TMEM255B: variants seen among roughly 807,000 people sequenced by gnomAD.
TMEM255B encodes transmembrane protein 255B, also known as family with sequence similarity 70, member B.
A neutral mutation model predicts 34.5 loss-of-function variants in TMEM255B; 35 were observed. That is an observed-to-expected ratio of 1.01 (90% confidence interval 0.77 to 1.34). The LOEUF is 1.34. Among genes scored for constraint, TMEM255B ranks in the 40% most tolerant of loss-of-function variants. TMEM255B has a pLI of 0.00. For synonymous variants in TMEM255B, 206 were observed against 201.2 expected, an observed-to-expected ratio of 1.02 and a Z score of -0.20; for missense variants, 432 against 433.2, an observed-to-expected ratio of 1.00 and a Z score of 0.02.
intron 3 of TMEM255B, among the ~76,000 whole-genome samples, chr13:113,778,581 G>C (rs2050617558): frequency 6.6e-6 from 1 of 151,204 alleles, no homozygotes; most frequent in African/African-American, 2.4e-5. Flanking sequence ...ATCACCTGTG[G>C]TACTGTGGCG....
At chr13:113,801,238 C>G (rs920706647) in intron 6 of TMEM255B, among the ~76,000 whole-genome samples, 53 of 152,346 alleles carry the variant, frequency 3.5e-4, no homozygotes, top group African/African-American at 1.3e-3. Flanking sequence ...GAGGACACAG[C>G]CCGTGTGTGT....
At chr13:113,795,790 C>T (rs1373278094) in intron 4 of TMEM255B, among the ~76,000 whole-genome samples, 7 of 141,680 alleles carry the variant, frequency 4.9e-5, no homozygotes, top group Non-Finnish European at 7.6e-5. Flanking sequence ...CAACAGAGCA[C>T]ACAGCACACA....
intron 2 of TMEM255B, chr13:113,766,579 G>A (rs867592490): frequency 6.8e-5 from 28 of 413,758 alleles, no homozygotes; most frequent in Middle Eastern, 5.9e-4. Flanking sequence ...CCAGAGCCCG[G>A]CAACAGGAAA....
At chr13:113,811,160 G>A (rs1361117046) in intron 8 of TMEM255B, among the ~76,000 whole-genome samples, 1 of 141,778 alleles carries the variant, frequency 7.1e-6, no homozygotes, top group Non-Finnish European at 1.6e-5. Context: ...GGGGGCCCGT[G>A]AGAGTGGTCC....
At chr13:113,796,933 C>T (rs756828994) in intron 4 of TMEM255B, among the ~76,000 whole-genome samples, 3 of 152,044 alleles carry the variant, frequency 2.0e-5, no homozygotes, top group Non-Finnish European at 2.9e-5. Context: ...GCACACACCA[C>T]GGCCCACATG....
intron 3 of TMEM255B, among the ~76,000 whole-genome samples, chr13:113,782,539 C>T (rs1402150368): frequency 6.6e-6 from 1 of 152,236 alleles, no homozygotes; most frequent in Non-Finnish European, 1.5e-5. Context: ...CTCCATCTTG[C>T]TTCTGGCCTA....
At chr13:113,800,601 T>C (rs1407060399) in intron 5 of TMEM255B, among the ~76,000 whole-genome samples, 1 of 152,080 alleles carries the variant, frequency 6.6e-6, no homozygotes, top group Non-Finnish European at 1.5e-5. Flanking sequence ...GCCCCGATTA[T>C]CCGGCCTCTG....
intron 5 of TMEM255B, 71 bp downstream of exon 5, chr13:113,799,490 G>A: frequency 7.1e-7 from 1 of 1,408,302 alleles, no homozygotes; most frequent in Non-Finnish European, 1.0e-6. Context: ...GGTTTTCCCT[G>A]CACATAGGCG....
chr13:113,775,011 A>C (rs1428086839), intron 3 of TMEM255B, among the ~76,000 whole-genome samples: 1 of 140,976 alleles, frequency 7.1e-6, no homozygotes, highest in Admixed American at 7.0e-5. Flanking sequence ...ACTCCACACA[A>C]TACACAACAC....
intron 3 of TMEM255B, among the ~76,000 whole-genome samples, chr13:113,792,033 C>T (rs1305254983): frequency 2.0e-5 from 3 of 152,216 alleles, no homozygotes; most frequent in Non-Finnish European, 4.4e-5. Flanking sequence ...GAGCTGGGGA[C>T]GCGGCCCCGC....
At chr13:113,792,620 G>GCT (rs2050850312) in intron 3 of TMEM255B, among the ~76,000 whole-genome samples, 1 of 152,258 alleles carries the variant, frequency 6.6e-6, no homozygotes, top group African/African-American at 2.4e-5. Context: ...CTGTTCAAGA[G>GCT]GGAACCTCCC....
chr13:113,805,748 A>G (rs2051159296), intron 8 of TMEM255B, among the ~76,000 whole-genome samples: 1 of 152,172 alleles, frequency 6.6e-6, no homozygotes. Context: ...GTGACAACCC[A>G]AACTCTCCGG....
intron 2 of TMEM255B, chr13:113,768,129 G>A (rs769599187): frequency 1.1e-4 from 48 of 455,322 alleles, no homozygotes; most frequent in South Asian, 6.4e-4. Flanking sequence ...AGGCTGTGCC[G>A]GGCGGGCCAC....
At position 113,775,880 on chromosome 13, in the gene TMEM255B, C is replaced by A. The variant is rs186641401; in HGVS notation, c.252+6720C>A. 2.4e-3 allele frequency among the ~76,000 whole-genome samples: 372 copies of A among 152,338 alleles called. 3 individuals carry two copies. The highest frequency in any genetic ancestry group is 8.5e-3 in the African/African-American group (353 of 41,590). ...CAGGCCGGTGGCCCCACATCCCCGCCCAGGGACCATGGGACCCCTGCGGCC... is the reference window on the plus strand; with the variant it reads ...CAGGCCGGTGGCCCCACATCCCCGCACAGGGACCATGGGACCCCTGCGGCC... On this transcript the variant is annotated intron_variant, in intron 3 of 8. Transcript: ENST00000375353.
At chr13:113,795,361 G>C (rs1376531953) in intron 4 of TMEM255B, 124 bp downstream of exon 4, 2 of 993,516 alleles carry the variant, frequency 2.0e-6, no homozygotes, top group Non-Finnish European at 3.0e-6. Flanking sequence ...CCACGCTGGG[G>C]GTTGCCAGTG....
chr13:113,799,817 G>C (rs771626655), intron 5 of TMEM255B: 4 of 636,946 alleles, frequency 6.3e-6, no homozygotes, highest in South Asian at 6.0e-5. Context: ...TCTCTTTCCA[G>C]GTGAGTGAGA....
chr13:113,791,265 G>A (rs996164198), intron 3 of TMEM255B, among the ~76,000 whole-genome samples: 7 of 152,212 alleles, frequency 4.6e-5, no homozygotes, highest in African/African-American at 1.7e-4. Flanking sequence ...TCTGCTGCAC[G>A]CATTTACGGT....
chr13:113,801,874 C>A, intron 7 of TMEM255B, 62 bp downstream of exon 7: 1 of 1,484,854 alleles, frequency 6.7e-7, no homozygotes, highest in Non-Finnish European at 9.0e-7. Flanking sequence ...GTCCATTTCC[C>A]CGGGGTGGGC....
intron 3 of TMEM255B, among the ~76,000 whole-genome samples, chr13:113,779,379 T>A (rs1235306119): frequency 6.6e-6 from 1 of 152,188 alleles, no homozygotes; most frequent in Non-Finnish European, 1.5e-5. Context: ...GGGCACTGAA[T>A]GCAGCACTGG....
Sources: gnomAD v4.1 joint callset for allele counts (sites outside exome capture counted in the v4.1 genomes callset) on GRCh38, gnomAD v4.1.1 for gene constraint, MANE v1.5 for transcripts, NCBI Gene and HGNC (gene_info 2026-07-23, HGNC 2026-07-21) for gene names.